The following DGAT2 variants were observed in gnomAD, a reference collection of about 807,000 sequenced individuals.
The protein encoded by DGAT2 is acyl-CoA retinol O-fatty-acyltransferase.
DGAT2 carries 33 observed loss-of-function variants against 48.4 expected under a neutral mutation model. The ratio of observed to expected loss-of-function variants is 0.68; its 90% CI spans 0.52 to 0.91. The LOEUF (loss-of-function observed/expected upper bound fraction) is 0.91, where lower values mean the gene tolerates loss of function less well. Among genes scored for constraint, DGAT2 ranks in the 40% least tolerant of loss-of-function variants. The pLI is 0.00. For synonymous variants in DGAT2, 191 were observed against 194.1 expected (o/e 0.98, Z 0.13); for missense variants, 446 against 493.7 (o/e 0.90, Z 0.92).
intron 6 of DGAT2, 33 bp downstream of exon 6, chr11:75,797,365 C>T (rs1945068955): frequency 1.4e-6 from 2 of 1,409,698 alleles, no homozygotes; most frequent in South Asian, 1.7e-5. Context: ...ACACACCCCT[C>T]CAGTGCCCCT....
At chr11:75,794,571 T>C (rs1434267364) in intron 4 of DGAT2, 6 of 152,174 alleles carry the variant, frequency 3.9e-5, no homozygotes, top group Non-Finnish European at 8.8e-5. Flanking sequence ...AAGAGGGAAA[T>C]TTTGGAAGCT....
chr11:75,798,318 A>C lies in DGAT2; in HGVS notation c.901A>C (p.Lys301Gln), dbSNP rs373962871. The change falls in exon 7 of 8, where the codon AAG (lysine) becomes CAG (glutamine). Residue 301 changes from lysine to glutamine, a missense_variant. Physicochemically the swap from Lys to Gln is moderately conservative, Grantham distance 53 (BLOSUM62 1). Coordinates refer to ENST00000228027, the MANE Select transcript of DGAT2 (RefSeq NM_032564.5). ...EEGSWGRWVQ[K>Q]KFQKYIGFAP... is the part of the protein sequence containing the mutation. The stretch of plus-strand genomic sequence containing the variant: ...GGGCTCCTGGGGCCGATGGGTCCAG[A>C]AGAAGTTCCAGAAATACATTGGTTT... The C allele has an allele frequency of 9.3e-6, 15 of 1,614,080 alleles. No individual in the cohort carries two copies. Among genetic ancestry groups the C allele is most frequent in the Non-Finnish European group, 1.3e-5 (15 of 1,180,034 alleles).
At chr11:75,780,636 T>C (rs1056781116) in intron 1 of DGAT2, among the ~76,000 whole-genome samples, 2 of 152,134 alleles carry the variant, frequency 1.3e-5, no homozygotes, top group African/African-American at 2.4e-5. Flanking sequence ...ATTTCTCCCC[T>C]TCCCCTTCCA....
At position 75,791,011 on chromosome 11, in the gene DGAT2, C is replaced by T. The variant is rs374071014; in HGVS notation, c.429+280C>T. 1.2e-4 allele frequency among the ~76,000 whole-genome samples: 18 copies of T among 152,364 alleles called. No homozygotes were observed. In the South Asian group the frequency reaches 3.3e-3, roughly 28 times the overall value. On this transcript the variant is annotated intron_variant, in intron 4 of 7. Coordinates refer to ENST00000228027, the MANE Select transcript of DGAT2 (RefSeq NM_032564.5). Reference sequence around the variant, plus strand: ...GTCTGCAAGCTGGGCTGGTGAGGCACAGCCATCTGGCCCTGATGCATGTGG... The same window carrying T: ...GTCTGCAAGCTGGGCTGGTGAGGCATAGCCATCTGGCCCTGATGCATGTGG...
intron 4 of DGAT2, among the ~76,000 whole-genome samples, chr11:75,791,744 C>T (rs1010489076): frequency 6.6e-6 from 1 of 152,210 alleles, no homozygotes; most frequent in Non-Finnish European, 1.5e-5. Context: ...TGCTGGAGAT[C>T]TCAGTTTAAG....
At chr11:75,777,968 T>TTA (rs560667191) in intron 1 of DGAT2, among the ~76,000 whole-genome samples, 81 of 152,188 alleles carry the variant, frequency 5.3e-4, no homozygotes, top group Non-Finnish European at 1.0e-3. Flanking sequence ...TAACTTAACT[T>TTA]TAGCCAGTCT....
At chr11:75,796,562 G>A (rs1193306340) in intron 5 of DGAT2, 30 bp downstream of exon 5, 2 of 1,603,110 alleles carry the variant, frequency 1.2e-6, no homozygotes, top group Non-Finnish European at 1.7e-6. Flanking sequence ...GCTCCTGCTG[G>A]GCACTGTTGT....
In DGAT2 at chr11:75,797,309, T is replaced by C; in HGVS notation, c.786T>C (p.Phe262=). 1 of 1,531,372 alleles carries C rather than the reference T, an allele frequency of 6.5e-7. No homozygotes were observed. Among genetic ancestry groups the C allele is most frequent in the Non-Finnish European group, 8.8e-7 (1 of 1,137,370 alleles). 94.9% of individuals were successfully genotyped at this position (1,531,372 alleles called of 1,614,324 possible). Residue 262 remains phenylalanine, a synonymous_variant, in exon 6 of 8, where the codon TTT becomes TTC. Transcript: ENST00000228027. ...NAVTLRNRKG[F]VKLALRHGAD... is the part of the protein sequence containing the mutation. ...TCACCCTGCGGAACCGCAAGGGCTT[T>C]GTGAAACTGGCCCTGCGTCATGGGT... is the stretch of plus-strand genomic sequence containing the variant.
chr11:75,774,416 G>A (rs1944786493), intron 1 of DGAT2, among the ~76,000 whole-genome samples: 1 of 152,184 alleles, frequency 6.6e-6, no homozygotes, highest in Admixed American at 6.5e-5. Context: ...TGAACCTTTT[G>A]GGTAAATCAA....
chr11:75,784,363 C>T (rs867849739), intron 1 of DGAT2: 10 of 360,470 alleles, frequency 2.8e-5, no homozygotes, highest in African/African-American at 1.8e-4. Flanking sequence ...TTCATGTGGT[C>T]TCCAAAATGA....
At chr11:75,795,716 T>C (rs1945043414) in intron 4 of DGAT2, 1 of 153,350 alleles carries the variant, frequency 6.5e-6, no homozygotes, top group Non-Finnish European at 1.5e-5. Context: ...AAGTTTCCAT[T>C]TGGGCCAGCT....
intron 7 of DGAT2, 95 bp from the exon 8 acceptor site, chr11:75,800,259 C>A: frequency 7.0e-7 from 1 of 1,418,892 alleles, no homozygotes; most frequent in Non-Finnish European, 9.5e-7. Context: ...TTCCACATGG[C>A]GGGCCCACAG....
At chr11:75,771,459 G>A (rs949748764) in intron 1 of DGAT2, among the ~76,000 whole-genome samples, 27 of 152,062 alleles carry the variant, frequency 1.8e-4, no homozygotes, top group Admixed American at 3.3e-4. Flanking sequence ...TGTTGTGTGC[G>A]GCTCCAAAGA....
chr11:75,772,190 A>C (rs1048634761), intron 1 of DGAT2, among the ~76,000 whole-genome samples: 3 of 152,142 alleles, frequency 2.0e-5, no homozygotes, highest in Admixed American at 2.0e-4. Flanking sequence ...TCCCTTCTCA[A>C]ACTTTTTGAG....
chr11:75,782,120 G>A (rs1207282920), intron 1 of DGAT2, among the ~76,000 whole-genome samples: 1 of 152,182 alleles, frequency 6.6e-6, no homozygotes, highest in Non-Finnish European at 1.5e-5. Flanking sequence ...GCAACGGGAA[G>A]CAAGTCAGCC....
chr11:75,769,279 C>G (rs1251195914), intron 1 of DGAT2, among the ~76,000 whole-genome samples, 167 bp downstream of exon 1: 7 of 152,182 alleles, frequency 4.6e-5, no homozygotes, highest in Non-Finnish European at 1.0e-4. Flanking sequence ...CAGCTTGTTT[C>G]CCTCATCCGT....
intron 2 of DGAT2, 83 bp downstream of exon 2, chr11:75,784,829 A>G: frequency 6.4e-7 from 1 of 1,571,286 alleles, no homozygotes; most frequent in Non-Finnish European, 8.7e-7. Context: ...CCTGCTCTAC[A>G]GGGGTGAGGG....
Position 75,790,211 on chromosome 11 carries a change from AT to A in DGAT2, c.275del (p.Met92SerfsTer54). 2 of 1,614,044 alleles carry A rather than the reference AT, an allele frequency of 1.2e-6. No individual in the cohort carries two copies. Among genetic ancestry groups the A allele is most frequent in the Non-Finnish European group, 1.7e-6 (2 of 1,179,966 alleles). Reference sequence around the variant, plus strand: ...AGGAGTGGCCTGCAGTGCCATCCTCATGTACATATTCTGCACTGATTGCTGG... The same window carrying A: ...AGGAGTGGCCTGCAGTGCCATCCTCAGTACATATTCTGCACTGATTGCTGG... The part of the protein sequence containing the change: ...VLGVACSAIL[M>X]YIFCTDCWLI... On this transcript the variant is annotated frameshift_variant, in exon 3 of 8. Coordinates refer to ENST00000228027, the MANE Select transcript of DGAT2 (RefSeq NM_032564.5). LOFTEE classifies it high-confidence loss of function.
At chr11:75,797,470 G>T in intron 6 of DGAT2, 138 bp downstream of exon 6, 2 of 1,101,416 alleles carry the variant, frequency 1.8e-6, no homozygotes, top group Non-Finnish European at 2.4e-6. Context: ...GGGAGGGGAT[G>T]TTGGAGCCCA....
Sources: gnomAD v4.1 joint callset for allele counts (sites outside exome capture counted in the v4.1 genomes callset) on GRCh38, gnomAD v4.1.1 for gene constraint, MANE v1.5 for transcripts, NCBI Gene and HGNC (gene_info 2026-07-23, HGNC 2026-07-21) for gene names.